Variants in LMNB2 observed in about 807,000 individuals in gnomAD.
LMNB2 encodes lamin-B2.
Under a neutral mutation model 69.3 loss-of-function variants are expected in LMNB2, and 17 were observed. The observed-to-expected ratio is 0.25, with a 90% CI of 0.17 to 0.37. The LOEUF (loss-of-function observed/expected upper bound fraction) is 0.37. Among genes scored for constraint, LMNB2 ranks in the 10% least tolerant of loss-of-function variants. The pLI is 1.00. For missense variants in LMNB2, 789 were observed against 883.6 expected (o/e 0.89, Z 1.36); for synonymous variants, 397 against 389.3 (o/e 1.02, Z -0.23).
chr19:2,432,802 G>A (rs556142314), intron 8 of LMNB2, among the ~76,000 whole-genome samples: 102 of 147,796 alleles, frequency 6.9e-4, no homozygotes, highest in African/African-American at 2.0e-3. Flanking sequence ...CGCATTGGCC[G>A]GCAGCCCCGT....
Position 2,453,523 on chromosome 19 carries a change from TA to T in LMNB2, c.264+3146del, listed in dbSNP as rs1972053784. On this transcript the variant is annotated intron_variant, in intron 1 of 11. Coordinates refer to ENST00000325327, the MANE Select transcript of LMNB2 (RefSeq NM_032737.4). This position sits in a 1 kb window ranked among gnomAD's most constrained non-coding sequence, Gnocchi z 4.4. ...CCCACTAGCCGGGTTCCTGGCCCAC[TA>T]GTCGCAGGCGGAACTCCCAGCTGTC... Among the ~76,000 whole-genome samples, 1 of 151,238 alleles carries T rather than the reference TA, an allele frequency of 6.6e-6. No individual in the cohort carries two copies. The highest frequency in any genetic ancestry group is 2.1e-4 in the South Asian group (1 of 4,766).
chr19:2,448,739 T>C (rs1487252451), intron 1 of LMNB2, among the ~76,000 whole-genome samples: 1 of 152,110 alleles, frequency 6.6e-6, no homozygotes, highest in African/African-American at 2.4e-5. Context: ...TACCAGCTAC[T>C]CAGGAGGCTG....
chr19:2,433,317 T>C (rs376537694), intron 8 of LMNB2, among the ~76,000 whole-genome samples: 55 of 8,544 alleles, frequency 6.4e-3, no homozygotes, highest in South Asian at 0.02. Flanking sequence ...CCCTGCCTCG[T>C]ATTGGCCGGC....
chr19:2,454,604 A>G (rs1368038969), intron 1 of LMNB2, among the ~76,000 whole-genome samples: 3 of 152,116 alleles, frequency 2.0e-5, no homozygotes, highest in Non-Finnish European at 4.4e-5. Flanking sequence ...CTCAACAAGC[A>G]GCTCTTCTCC....
rs570542863 is a variant in LMNB2, at chr19:2,441,021, T to C, written c.402-2490A>G. 9.8e-5 allele frequency among the ~76,000 whole-genome samples: 15 copies of C among 152,350 alleles called. No individual in the cohort carries two copies. The East Asian group carries it at 2.9e-3, about 29-fold the overall frequency. The stretch of plus-strand genomic sequence containing the variant: ...TTGTTTCCTATCGCTGTGCTGAATT[T>C]GCGCCTTCTGTCAGAAGAACCAGGA... On this transcript the variant is annotated intron_variant, in intron 2 of 11. Transcript: ENST00000325327.
intron 1 of LMNB2, among the ~76,000 whole-genome samples, chr19:2,456,096 C>T (rs1972084844): frequency 6.6e-6 from 1 of 151,558 alleles, no homozygotes; most frequent in Non-Finnish European, 1.5e-5. Flanking sequence ...GAGTCCCCCG[C>T]GATCGCGCGC....
In LMNB2 at chr19:2,443,104, C is replaced by T. The variant is rs1971916106; in HGVS notation, c.401+1300G>A. Reference sequence around the variant, plus strand: ...AGACAGCACAGAGCTGCTGCCTGAGCAGGTCCCGGGGTGCACCTGTGCTGT... The same window carrying T: ...AGACAGCACAGAGCTGCTGCCTGAGTAGGTCCCGGGGTGCACCTGTGCTGT... On this transcript the variant is annotated intron_variant, in intron 2 of 11. Transcript: ENST00000325327. This position sits in a 1 kb window ranked among gnomAD's most constrained non-coding sequence, Gnocchi z 6.2. Among the ~76,000 whole-genome samples the T allele has an allele frequency of 6.6e-6, 1 of 152,244 alleles. No individual in the cohort carries two copies. The highest frequency in any genetic ancestry group is 6.5e-5 in the Admixed American group (1 of 15,284).
In LMNB2 at chr19:2,438,157, A is replaced by G; in HGVS notation, c.684+6T>C. 3 of 1,613,654 alleles carry G rather than the reference A, an allele frequency of 1.9e-6. No homozygotes were observed. Among genetic ancestry groups the G allele is most frequent in the Non-Finnish European group, 2.5e-6 (3 of 1,180,010 alleles). ...TGCCAGGCTGGAGGCCAGGCCACTCACTCACCTCCTCGAACACACTCTTCC... is the reference window on the plus strand; with the variant it reads ...TGCCAGGCTGGAGGCCAGGCCACTCGCTCACCTCCTCGAACACACTCTTCC... On this transcript the variant is annotated splice_donor_region_variant and intron_variant, in intron 4 of 11. Coordinates refer to ENST00000325327, the MANE Select transcript of LMNB2 (RefSeq NM_032737.4).
chr19:2,449,885 G>A (rs140918766), intron 1 of LMNB2, among the ~76,000 whole-genome samples: 4,537 of 152,048 alleles, frequency 0.03, 253 homozygotes, highest in African/African-American at 0.1. Flanking sequence ...AGACCAGCCT[G>A]ACCAACATGG....
chr19:2,441,053 C>A (rs1251695219), intron 2 of LMNB2, among the ~76,000 whole-genome samples: 1 of 152,210 alleles, frequency 6.6e-6, no homozygotes, highest in East Asian at 1.9e-4. Flanking sequence ...AGGAGCTGCC[C>A]CAGGCTGGGA....
chr19:2,436,426 C>T (rs62122271), intron 4 of LMNB2, among the ~76,000 whole-genome samples: 14,055 of 152,160 alleles, frequency 0.092, 954 homozygotes, highest in East Asian at 0.37. Context: ...ACAGTAGAAA[C>T]GCTTCTGAAG....
chr19:2,438,871 G>A (rs1437453352), intron 2 of LMNB2, among the ~76,000 whole-genome samples: 1 of 152,128 alleles, frequency 6.6e-6, no homozygotes, highest in Non-Finnish European at 1.5e-5. Flanking sequence ...CAAAGACCCT[G>A]GCCTTTGAAG....
chr19:2,434,231 G>C, intron 7 of LMNB2, 64 bp downstream of exon 7: 1 of 1,521,054 alleles, frequency 6.6e-7, no homozygotes, highest in Non-Finnish European at 8.9e-7. Flanking sequence ...GCCCCGTCCC[G>C]CCTCTCCTCC....
Position 2,433,821 on chromosome 19 carries a change from G to A in LMNB2, c.1482+5C>T. ...TTACCCCCATGCCCCGGTCTTTCCG[G>A]TCACCTTGTCCGAGTTGTTCTTGAG... On this transcript the variant is annotated splice_donor_5th_base_variant and intron_variant, in intron 8 of 11. Coordinates refer to ENST00000325327, the MANE Select transcript of LMNB2 (RefSeq NM_032737.4). 6.2e-7 allele frequency: 1 copy of A among 1,613,340 alleles called. No homozygotes were observed. The highest frequency in any genetic ancestry group is 8.5e-7 in the Non-Finnish European group (1 of 1,179,884).
chr19:2,431,768 G>C lies in LMNB2; in HGVS notation c.1710+15C>G. 6.2e-7 allele frequency: 1 copy of C among 1,613,734 alleles called. No homozygotes were observed. ...AGGACTCCAGCCGAGCACCCCCCAA[G>C]CCACACACACCCACCTCGCCATCCG... On this transcript the variant is annotated intron_variant, in intron 10 of 11. Coordinates refer to ENST00000325327, the MANE Select transcript of LMNB2 (RefSeq NM_032737.4).
chr19:2,454,647 G>A (rs1972068603), intron 1 of LMNB2, among the ~76,000 whole-genome samples: 1 of 152,162 alleles, frequency 6.6e-6, no homozygotes, highest in Non-Finnish European at 1.5e-5. Flanking sequence ...ATCTCCAGAT[G>A]GGCGAGTGGG....
Position 2,438,423 on chromosome 19 carries a change from C to T in LMNB2, c.510G>A (p.Lys170=), listed in dbSNP as rs1416298613. 2 of 1,612,774 alleles carry T rather than the reference C, an allele frequency of 1.2e-6. No individual in the cohort carries two copies. The highest frequency in any genetic ancestry group is 4.5e-5 in the East Asian group (2 of 44,876). The part of the protein sequence containing the change: ...EVELAAALSD[K]RGLESDVAEL... Reference sequence around the variant, plus strand: ...CAGCCACGTCACTCTCCAGGCCGCGCTTGTCGCTGAGGGCAGCTGCCAGCT... The same window carrying T: ...CAGCCACGTCACTCTCCAGGCCGCGTTTGTCGCTGAGGGCAGCTGCCAGCT... Residue 170 remains lysine (K), a synonymous_variant, in exon 3 of 12, where the codon AAG becomes AAA. Coordinates refer to ENST00000325327, the MANE Select transcript of LMNB2 (RefSeq NM_032737.4).
chr19:2,431,793 G>T lies in LMNB2; in HGVS notation c.1700C>A (p.Ala567Glu). 3 of 1,613,826 alleles carry T rather than the reference G, an allele frequency of 1.9e-6. No individual in the cohort carries two copies. The highest frequency in any genetic ancestry group is 2.5e-6 in the Non-Finnish European group (3 of 1,179,906). Residue 567 changes from alanine (A) to glutamate (E), a missense_variant, in exon 10 of 12, where the codon GCG becomes GAG. Around this residue, in one of 3 missense-constraint regions of LMNB2, gnomAD observed 609 missense variants for 630.9 expected, o/e 0.97. Transcript: ENST00000325327. Reference sequence around the variant, plus strand: ...GCCACACACACCCACCTCGCCATCCGCGTTAACCAGGACGGTGCGGAAGCT... The same window carrying T: ...GCCACACACACCCACCTCGCCATCCTCGTTAACCAGGACGGTGCGGAAGCT... ...GESFRTVLVN[A>E]DGEEVAMRTV...
In LMNB2 at chr19:2,430,950, C is replaced by T. The variant is rs1428761048; in HGVS notation, c.1824G>A (p.Gly608=). 9 of 1,608,926 alleles carry T rather than the reference C, an allele frequency of 5.6e-6. No individual in the cohort carries two copies. The highest frequency in any genetic ancestry group is 2.2e-5 in the East Asian group (1 of 44,878). The change falls in exon 12 of 12, where the codon GGG becomes GGA. Residue 608 remains glycine (G), a splice_region_variant and synonymous_variant. Transcript: ENST00000325327. The part of the protein sequence containing the change: ...FGEEDLFHQQ[G]DPRTTSRGCY... ...AGCCTCTTGAGGTGGTCCTCGGGTC[C>T]CCCTGCAGGAAGGAAGGAAGGAAGG... is the stretch of plus-strand genomic sequence containing the variant.
Sources: allele counts gnomAD v4.1 joint callset (sites outside exome capture counted in the v4.1 genomes callset), GRCh38; gene constraint gnomAD v4.1.1; regional missense constraint gnomAD v4.1.1; non-coding constraint Gnocchi (gnomAD v3.1); transcripts MANE v1.5; gene names NCBI Gene and HGNC (gene_info 2026-07-23, HGNC 2026-07-21).